P3H2: variants seen among roughly 807,000 people sequenced by gnomAD.
P3H2 encodes the protein leprecan-like 1.
Under a neutral mutation model 87.0 loss-of-function variants are expected in P3H2, and 80 were observed. The observed-to-expected ratio is 0.92, with a 90% CI of 0.77 to 1.11. The LOEUF is 1.11. Ranked by LOEUF, P3H2 falls within the 50% of genes least tolerant of loss-of-function variation. The pLI is 0.00. For missense variants in P3H2, 1,001 were observed against 923.9 expected (o/e 1.08, Z -1.08); for synonymous variants, 367 against 359.3 (o/e 1.02, Z -0.24).
At chr3:189,958,403 C>G (rs1462693301) in intron 14 of P3H2, among the ~76,000 whole-genome samples, 1 of 152,196 alleles carries the variant, frequency 6.6e-6, no homozygotes, top group Non-Finnish European at 1.5e-5. Flanking sequence ...AAAGCCCGAC[C>G]ATGGTTTCCT....
chr3:190,120,838 C>T lies in P3H2; in HGVS notation c.-107G>A. ...CCCTCGGGGAAGCGCGCCGACTCCG[C>T]CGCGATCTGGCCGCTCCGCGAGCCC... On this transcript the variant is annotated 5_prime_UTR_variant, in exon 1 of 15. Transcript: ENST00000319332. The T allele has an allele frequency of 6.9e-7, 1 of 1,439,892 alleles. No individual in the cohort carries two copies. Among genetic ancestry groups the T allele is most frequent in the Non-Finnish European group, 9.1e-7 (1 of 1,096,264 alleles). 89.2% of individuals were successfully genotyped at this position (1,439,892 alleles called of 1,614,324 possible). A position where few individuals can be genotyped will look rare whatever the true frequency, so the allele number is the denominator to read the frequency against.
intron 1 of P3H2, among the ~76,000 whole-genome samples, chr3:190,037,817 T>TTTCTTTAAAA (rs1725471582): frequency 6.6e-6 from 1 of 152,196 alleles, no homozygotes; most frequent in Non-Finnish European, 1.5e-5. Context: ...AAAATAATAG[T>TTTCTTTAAAA]TTCTTTAAAA....
intron 1 of P3H2, among the ~76,000 whole-genome samples, chr3:190,080,528 G>A (rs1416923875): frequency 6.6e-6 from 1 of 152,026 alleles, no homozygotes; most frequent in Non-Finnish European, 1.5e-5. Context: ...AGCCTCCCGA[G>A]TAGCTGGGAT....
rs940850546 is a variant in P3H2 at position 189,957,423 on chromosome 3, G to A, written c.*489C>T. The A allele has an allele frequency of 1.1e-5, 4 of 375,682 alleles. No individual in the cohort carries two copies. The highest frequency in any genetic ancestry group is 8.6e-5 in the Admixed American group (2 of 23,318). 23.3% of individuals were successfully genotyped at this position (375,682 alleles called of 1,614,324 possible). On this transcript the variant is annotated 3_prime_UTR_variant, in exon 15 of 15. Coordinates refer to ENST00000319332, the MANE Select transcript of P3H2 (RefSeq NM_018192.4). ...AGAAGCTTATTCTCTCTAAGCTTTT[G>A]AATTTGCAGCAACTTAATTGTGTGT...
intron 11 of P3H2, among the ~76,000 whole-genome samples, chr3:189,972,440 TA>T (rs1723205376): frequency 1.3e-5 from 2 of 152,122 alleles, no homozygotes; most frequent in Non-Finnish European, 2.9e-5. Context: ...GCATAAGACA[TA>T]GAGGAGAAAT....
chr3:190,064,070 T>C (rs909709294), intron 1 of P3H2, among the ~76,000 whole-genome samples: 4 of 150,060 alleles, frequency 2.7e-5, no homozygotes, highest in Non-Finnish European at 5.9e-5. Context: ...TAGCTCACTG[T>C]AGTCTTGACC....
At chr3:190,041,080 A>T (rs6776097) in intron 1 of P3H2, among the ~76,000 whole-genome samples, 3,596 of 40,508 alleles carry the variant, frequency 0.089, 454 homozygotes, top group African/African-American at 0.23. Flanking sequence ...ACACACACAC[A>T]CTCTCTCTCT....
Position 190,058,278 on chromosome 3 carries a change from C to T in P3H2, c.480+61974G>A, listed in dbSNP as rs1726224087. Among the ~76,000 whole-genome samples, 3 of 152,156 alleles carry T rather than the reference C, an allele frequency of 2.0e-5. No individual in the cohort carries two copies. In the South Asian group the frequency reaches 6.2e-4, roughly 32 times the overall value. On this transcript the variant is annotated intron_variant, in intron 1 of 14. Coordinates refer to ENST00000319332, the MANE Select transcript of P3H2 (RefSeq NM_018192.4). Reference sequence around the variant, plus strand: ...CAGTAAGATGGGGATAAGCTACCCTCTCTCGTGTAAGTAGCATTTATTGTT... The same window carrying T: ...CAGTAAGATGGGGATAAGCTACCCTTTCTCGTGTAAGTAGCATTTATTGTT...
At chr3:190,030,453 G>A (rs1477472285) in intron 1 of P3H2, among the ~76,000 whole-genome samples, 2 of 152,158 alleles carry the variant, frequency 1.3e-5, no homozygotes, top group African/African-American at 4.8e-5. Flanking sequence ...AACCCTGGAG[G>A]CTGAGGTGGG....
At chr3:190,025,636 C>A (rs1375838956) in intron 1 of P3H2, among the ~76,000 whole-genome samples, 1 of 152,168 alleles carries the variant, frequency 6.6e-6, no homozygotes, top group African/African-American at 2.4e-5. Context: ...CATTATGTCT[C>A]ACTTACATCT....
chr3:190,084,950 CA>C (rs200109023), intron 1 of P3H2, among the ~76,000 whole-genome samples: 1,867 of 132,942 alleles, frequency 0.014, 50 homozygotes, highest in African/African-American at 0.05. Context: ...GAGAAACAAA[CA>C]AAAAAAAAAA....
chr3:190,014,007 G>C (rs1057312646), intron 1 of P3H2, among the ~76,000 whole-genome samples: 2 of 151,930 alleles, frequency 1.3e-5, no homozygotes, highest in Non-Finnish European at 2.9e-5. Flanking sequence ...GGCATTTGCT[G>C]TCTACTAGCG....
At chr3:190,058,058 CA>C (rs934565971) in intron 1 of P3H2, among the ~76,000 whole-genome samples, 2 of 151,880 alleles carry the variant, frequency 1.3e-5, no homozygotes, top group African/African-American at 4.8e-5. Flanking sequence ...TCCCCAACAC[CA>C]AAAAATAAAA....
At chr3:190,099,898 T>G (rs1711556459) in intron 1 of P3H2, among the ~76,000 whole-genome samples, 1 of 152,158 alleles carries the variant, frequency 6.6e-6, no homozygotes, top group Non-Finnish European at 1.5e-5. Flanking sequence ...AATTGAGTGA[T>G]GAAAACTAAA....
At chr3:189,969,854 G>A (rs763849463) in intron 13 of P3H2, 2 of 1,435,144 alleles carry the variant, frequency 1.4e-6, no homozygotes, top group Non-Finnish European at 2.0e-6. Flanking sequence ...GGTGGTGCTT[G>A]AGGCCATGTC....
intron 1 of P3H2, among the ~76,000 whole-genome samples, chr3:190,007,978 A>ATATATATATATATATATATATG (rs1724447671): frequency 6.9e-6 from 1 of 144,888 alleles, no homozygotes; most frequent in Non-Finnish European, 1.5e-5. Context: ...ATATATATAT[A>ATATATATATATATATATATATG]TATATATAGT....
intron 1 of P3H2, among the ~76,000 whole-genome samples, chr3:190,113,261 G>C (rs1712143519): frequency 6.6e-6 from 1 of 152,196 alleles, no homozygotes; most frequent in Non-Finnish European, 1.5e-5. Flanking sequence ...ATTTGTTGTA[G>C]AATCTGTGAG....
At chr3:190,058,465 A>G (rs1317500700) in intron 1 of P3H2, among the ~76,000 whole-genome samples, 1 of 152,178 alleles carries the variant, frequency 6.6e-6, no homozygotes, top group Non-Finnish European at 1.5e-5. Context: ...AGTTTCAAAT[A>G]TGGGTCAAAG....
chr3:189,966,726 T>C (rs1335065967), intron 13 of P3H2, among the ~76,000 whole-genome samples: 2 of 152,238 alleles, frequency 1.3e-5, no homozygotes, highest in African/African-American at 4.8e-5. Flanking sequence ...TCTTTGAACC[T>C]GCACAGAGAA....
Sources: allele counts gnomAD v4.1 joint callset (sites outside exome capture counted in the v4.1 genomes callset), GRCh38; gene constraint gnomAD v4.1.1; transcripts MANE v1.5; gene names NCBI Gene and HGNC (gene_info 2026-07-23, HGNC 2026-07-21).